SLIT2: variants seen among roughly 807,000 people sequenced by gnomAD.
SLIT2 encodes slit guidance ligand 2.
A neutral mutation model predicts 185.7 loss-of-function variants in SLIT2; 41 were observed. That is an observed-to-expected ratio of 0.22 (90% CI 0.17 to 0.29). The LOEUF (loss-of-function observed/expected upper bound fraction) is 0.29, where lower values mean the gene tolerates loss of function less well. Ranked by LOEUF, SLIT2 falls within the 10% of genes least tolerant of loss-of-function variation. SLIT2 has a pLI of 1.00. For missense variants in SLIT2, 1,571 were observed against 1,909.0 expected, an observed-to-expected ratio of 0.82 and a Z score of 3.30; for synonymous variants, 693 against 680.2, an observed-to-expected ratio of 1.02 and a Z score of -0.29.
intron 26 of SLIT2, among the ~76,000 whole-genome samples, chr4:20,554,894 C>A (rs139222558): frequency 6.6e-6 from 1 of 151,986 alleles, no homozygotes; most frequent in Non-Finnish European, 1.5e-5. Context: ...CTCAGCCTCC[C>A]GAGTAGCTGG....
rs551576635 is a variant in SLIT2 at position 20,504,341 on chromosome 4, G to A, written c.915-6154G>A. ...TGTGGCAGCTGCTTTTGCCATTTAC[G>A]TTAAAAGCAGATGGAGAAAACGCGA... On this transcript the variant is annotated intron_variant, in intron 9 of 36. Transcript: ENST00000504154. Among the ~76,000 whole-genome samples, 29 of 152,164 alleles carry A rather than the reference G, an allele frequency of 1.9e-4. 1 individual carries two copies. Among genetic ancestry groups the A allele is most frequent in the East Asian group, 1.9e-4 (1 of 5,174 alleles).
intron 4 of SLIT2, among the ~76,000 whole-genome samples, chr4:20,311,201 T>G (rs1718074347): frequency 6.6e-6 from 1 of 152,260 alleles, no homozygotes; most frequent in Non-Finnish European, 1.5e-5. Context: ...AACTCAATAT[T>G]TTATACCAAA....
chr4:20,499,165 G>A (rs1432070173), intron 9 of SLIT2, among the ~76,000 whole-genome samples: 2 of 151,870 alleles, frequency 1.3e-5, no homozygotes, highest in East Asian at 3.9e-4. Flanking sequence ...TTGTTTGTTG[G>A]CTGCTTACAT....
chr4:20,599,061 T>C (rs930230362), intron 33 of SLIT2, among the ~76,000 whole-genome samples: 7 of 152,336 alleles, frequency 4.6e-5, no homozygotes, highest in Middle Eastern at 3.4e-3. Flanking sequence ...GCACTTACTA[T>C]GTGCCAGACC....
intron 3 of SLIT2, among the ~76,000 whole-genome samples, chr4:20,267,529 A>G (rs1009177921): frequency 6.6e-6 from 1 of 151,900 alleles, no homozygotes; most frequent in African/African-American, 2.4e-5. Context: ...CTTCTCACTT[A>G]CAGGATTTTA....
intron 4 of SLIT2, among the ~76,000 whole-genome samples, chr4:20,391,308 T>C (rs1312254404): frequency 6.6e-6 from 1 of 152,026 alleles, no homozygotes; most frequent in African/African-American, 2.4e-5. Flanking sequence ...ATGCATGAAA[T>C]AACTGTTTTG....
chr4:20,422,814 T>A (rs1728266293), intron 4 of SLIT2, among the ~76,000 whole-genome samples: 1 of 151,702 alleles, frequency 6.6e-6, no homozygotes, highest in African/African-American at 2.4e-5. Flanking sequence ...GAAAGAAGGG[T>A]GGAAAATGAG....
At chr4:20,543,874 T>C (rs1723027354) in intron 21 of SLIT2, among the ~76,000 whole-genome samples, 3 of 152,182 alleles carry the variant, frequency 2.0e-5, no homozygotes, top group Admixed American at 1.3e-4. Context: ...TGTATATGTG[T>C]GTAATTAAAT....
chr4:20,576,005 C>A (rs906297487), intron 29 of SLIT2, among the ~76,000 whole-genome samples: 2 of 152,168 alleles, frequency 1.3e-5, no homozygotes, highest in Admixed American at 6.5e-5. Context: ...ATAATGATAT[C>A]TGTCATATAA....
At chr4:20,357,289 A>C (rs1024441960) in intron 4 of SLIT2, among the ~76,000 whole-genome samples, 10 of 152,196 alleles carry the variant, frequency 6.6e-5, no homozygotes, top group African/African-American at 2.2e-4. Flanking sequence ...GAATATTATT[A>C]TTACTCACTT....
Position 20,567,287 on chromosome 4 carries a change from T to C in SLIT2, c.2751T>C (p.Ala917=), listed in dbSNP as rs1209722940. The stretch of plus-strand genomic sequence containing the variant: ...GTCCTGTGGATGTCAATATTCTAGC[T>C]AAGTGTAACCCCTGCCTATCAAATC... ...CQGPVDVNIL[A]KCNPCLSNPC... is the part of the protein sequence containing the mutation. The change falls in exon 27 of 37, where the codon GCT becomes GCC. Residue 917 remains alanine (A), a synonymous_variant. Coordinates refer to ENST00000504154, the MANE Select transcript of SLIT2 (RefSeq NM_004787.4). 12 of 1,610,854 alleles carry C rather than the reference T, an allele frequency of 7.4e-6. No individual in the cohort carries two copies. The Admixed American group carries it at 8.4e-5, about 11-fold the overall frequency.
intron 4 of SLIT2, among the ~76,000 whole-genome samples, chr4:20,346,810 C>G (rs939889155): frequency 1.3e-5 from 2 of 152,046 alleles, no homozygotes; most frequent in Non-Finnish European, 1.5e-5. Flanking sequence ...GTCTGATATT[C>G]GAGGGCAGGA....
chr4:20,472,297 TATATAG>T (rs1560452952), intron 5 of SLIT2, among the ~76,000 whole-genome samples: 4 of 27,698 alleles, frequency 1.4e-4, no homozygotes, highest in African/African-American at 7.6e-4. Context: ...GATATATAGA[TATATAG>T]ATCTATATAT....
At chr4:20,456,286 TA>T (rs1577690778) in intron 4 of SLIT2, among the ~76,000 whole-genome samples, 1 of 152,266 alleles carries the variant, frequency 6.6e-6, no homozygotes, top group East Asian at 1.9e-4. Flanking sequence ...TTCTAATTGT[TA>T]AATGCAGCAA....
At chr4:20,442,594 T>C (rs1180429961) in intron 4 of SLIT2, among the ~76,000 whole-genome samples, 3 of 150,938 alleles carry the variant, frequency 2.0e-5, no homozygotes, top group Middle Eastern at 3.6e-3. Context: ...GAGGAAGCTA[T>C]GATGTGAAAC....
intron 26 of SLIT2, among the ~76,000 whole-genome samples, chr4:20,565,048 A>G (rs1339531859): frequency 1.3e-5 from 2 of 151,948 alleles, no homozygotes; most frequent in African/African-American, 4.8e-5. Context: ...TAAATTCTTC[A>G]AAGTGTATTC....
intron 29 of SLIT2, among the ~76,000 whole-genome samples, chr4:20,572,663 G>A (rs1490046289): frequency 6.6e-6 from 1 of 152,046 alleles, no homozygotes; most frequent in African/African-American, 2.4e-5. Context: ...TCAAAAATGT[G>A]CTTTTGTATA....
intron 30 of SLIT2, among the ~76,000 whole-genome samples, chr4:20,593,997 TAC>T (rs950588465): frequency 4.0e-5 from 6 of 149,608 alleles, no homozygotes; most frequent in Admixed American, 1.3e-4. Flanking sequence ...TACATACATA[TAC>T]ACACACATAC....
intron 4 of SLIT2, among the ~76,000 whole-genome samples, chr4:20,404,466 T>A (rs1209608040): frequency 6.6e-6 from 1 of 151,998 alleles, no homozygotes; most frequent in Non-Finnish European, 1.5e-5. Context: ...TTCATAAGGT[T>A]AAGTTTTGGA....
Sources: allele counts gnomAD v4.1 joint callset (sites outside exome capture counted in the v4.1 genomes callset), GRCh38; gene constraint gnomAD v4.1.1; transcripts MANE v1.5; gene names NCBI Gene and HGNC (gene_info 2026-07-23, HGNC 2026-07-21).